Variants in CLNK observed in about 807,000 individuals in gnomAD.
CLNK encodes cytokine-dependent hematopoietic cell linker.
Under a neutral mutation model 68.6 loss-of-function variants are expected in CLNK, and 74 were observed. That is an observed-to-expected ratio of 1.08 (90% CI 0.89 to 1.31). The LOEUF is 1.31. CLNK is among the 50% of genes most tolerant of loss of function. The pLI, the probability that CLNK is intolerant of heterozygous loss-of-function variation, is 0.00. For missense variants in CLNK, 553 were observed against 515.3 expected (o/e 1.07, Z -0.71); for synonymous variants, 198 against 172.2 (o/e 1.15, Z -1.17).
upstream of CLNK, among the ~76,000 whole-genome samples, chr4:10,685,585 G>T (rs1339692611): frequency 1.3e-5 from 2 of 152,054 alleles, no homozygotes; most frequent in African/African-American, 4.8e-5. Flanking sequence ...ATAAATTGAT[G>T]TTGAATTCCA....
intron 15 of CLNK, among the ~76,000 whole-genome samples, chr4:10,513,871 A>G (rs1447216640): frequency 1.4e-5 from 2 of 141,926 alleles, no homozygotes; most frequent in Non-Finnish European, 3.1e-5. Context: ...TTTTTTTTAA[A>G]TTATACTTTA....
intron 8 of CLNK, among the ~76,000 whole-genome samples, chr4:10,543,421 G>A (rs537638788): frequency 3.9e-5 from 6 of 152,326 alleles, no homozygotes; most frequent in Admixed American, 3.3e-4. Flanking sequence ...TTCACACTGA[G>A]CATCCTTTGC....
chr4:10,714,733 A>G, the CLNK span, among the ~76,000 whole-genome samples: 3 of 150,592 alleles, frequency 2.0e-5, no homozygotes, highest in Non-Finnish European at 4.4e-5. Context: ...GCTTATTCTC[A>G]TATTTATTCC....
intron 2 of CLNK, among the ~76,000 whole-genome samples, chr4:10,641,759 C>T (rs1723315697): frequency 6.6e-6 from 1 of 152,212 alleles, no homozygotes; most frequent in South Asian, 2.1e-4. Flanking sequence ...CAAATCTCAT[C>T]TTGAATTGTA....
intron 14 of CLNK, chr4:10,523,946 G>T (rs1718189834): frequency 5.1e-6 from 2 of 394,226 alleles, no homozygotes; most frequent in African/African-American, 4.2e-5. Context: ...GATCACTTGA[G>T]CCCGGGAGGT....
intron 8 of CLNK, among the ~76,000 whole-genome samples, chr4:10,543,451 A>G (rs1014143152): frequency 6.6e-5 from 10 of 152,182 alleles, no homozygotes; most frequent in African/African-American, 2.4e-4. Flanking sequence ...TTGTGAGACA[A>G]GGAGGTTGGA....
At chr4:10,505,555 A>C (rs1216491867) in intron 17 of CLNK, among the ~76,000 whole-genome samples, 2 of 152,186 alleles carry the variant, frequency 1.3e-5, no homozygotes, top group Non-Finnish European at 2.9e-5. Flanking sequence ...TCTAACATGA[A>C]TCTTGCTGGG....
chr4:10,493,974 T>G (rs1055137365), intron 18 of CLNK, among the ~76,000 whole-genome samples: 2 of 152,212 alleles, frequency 1.3e-5, no homozygotes, highest in African/African-American at 4.8e-5. Context: ...ACACAGTGAG[T>G]GCTCAGCACA....
intron 3 of CLNK, among the ~76,000 whole-genome samples, chr4:10,594,036 G>T (rs1721289853): frequency 6.6e-6 from 1 of 152,170 alleles, no homozygotes; most frequent in Non-Finnish European, 1.5e-5. Flanking sequence ...CCTAGGGCCT[G>T]CGTCTGTGTC....
intron 7 of CLNK, among the ~76,000 whole-genome samples, chr4:10,563,609 A>G (rs541290039): frequency 2.6e-5 from 4 of 152,258 alleles, no homozygotes; most frequent in Non-Finnish European, 4.4e-5. Flanking sequence ...AGATATCTGC[A>G]TAGAAAATAC....
At chr4:10,522,618 C>G (rs1361539334) in intron 14 of CLNK, among the ~76,000 whole-genome samples, 1 of 151,242 alleles carries the variant, frequency 6.6e-6, no homozygotes, top group Non-Finnish European at 1.5e-5. Flanking sequence ...AATGATGACT[C>G]TTTTGTTTAA....
chr4:10,491,472 G>A (rs988810364), intron 18 of CLNK, among the ~76,000 whole-genome samples: 1 of 152,206 alleles, frequency 6.6e-6, no homozygotes, highest in African/African-American at 2.4e-5. Context: ...GGACAACCAC[G>A]GGGCTGCTTA....
At chr4:10,678,979 C>A (rs4680652) in intron 1 of CLNK, among the ~76,000 whole-genome samples, 1 of 152,120 alleles carries the variant, frequency 6.6e-6, no homozygotes. Context: ...CATCAAGCTA[C>A]CAATGACTTT....
In CLNK at chr4:10,501,272, C is replaced by T. The variant is rs747984454; in HGVS notation, c.1124G>A (p.Gly375Glu). The change falls in exon 18 of 19, where the codon GGA becomes GAA. Residue 375 changes from glycine to glutamate, a missense_variant. Physicochemically the swap from Gly to Glu is moderately conservative, Grantham distance 98. Transcript: ENST00000226951. ...TATACCCACCTCATCTCCTCTGAGT[C>T]CTGTCCCCAGGGCAAACTGCTGATT... is the stretch of plus-strand genomic sequence containing the variant. ...ERNQQFALGT[G>E]LRGDEKFDSV... The T allele has an allele frequency of 6.3e-7, 1 of 1,594,580 alleles. No homozygotes were observed. The highest frequency in any genetic ancestry group is 8.5e-7 in the Non-Finnish European group (1 of 1,174,040).
intron 16 of CLNK, among the ~76,000 whole-genome samples, chr4:10,510,315 G>A (rs540459962): frequency 1.1e-4 from 16 of 152,096 alleles, no homozygotes; most frequent in South Asian, 2.1e-4. Flanking sequence ...CAAATATGTC[G>A]TTAATATCTC....
At chr4:10,498,873 A>G (rs1033978161) in intron 18 of CLNK, among the ~76,000 whole-genome samples, 1 of 152,214 alleles carries the variant, frequency 6.6e-6, no homozygotes, top group African/African-American at 2.4e-5. Context: ...TGTTCATGTC[A>G]CAGTGTTCCC....
chr4:10,656,331 CAAAAAAA>C (rs33941894), intron 2 of CLNK, among the ~76,000 whole-genome samples: 3 of 89,448 alleles, frequency 3.4e-5, no homozygotes, highest in Admixed American at 1.3e-4. Flanking sequence ...AATGCCTGAC[CAAAAAAA>C]AAAAAAAAAA....
intron 8 of CLNK, among the ~76,000 whole-genome samples, chr4:10,557,379 G>C (rs756249822): frequency 1.3e-4 from 20 of 152,140 alleles, no homozygotes; most frequent in Non-Finnish European, 2.5e-4. Flanking sequence ...GCCCCAACAG[G>C]AGGTCACAGG....
At chr4:10,692,565 C>T in the CLNK span, among the ~76,000 whole-genome samples, 6 of 152,068 alleles carry the variant, frequency 3.9e-5, no homozygotes, top group Non-Finnish European at 8.8e-5. Flanking sequence ...AGACTAAGAT[C>T]CTAAGAAGGA....
Sources: gnomAD v4.1 joint callset for allele counts (sites outside exome capture counted in the v4.1 genomes callset) on GRCh38, gnomAD v4.1.1 for gene constraint, MANE v1.5 for transcripts, NCBI Gene and HGNC (gene_info 2026-07-23, HGNC 2026-07-21) for gene names.